Variants in NLRC3 observed in about 807,000 individuals in gnomAD.
NLRC3 encodes the protein NLR family CARD domain-containing protein 3.
Under a neutral mutation model 91.6 loss-of-function variants are expected in NLRC3, and 87 were observed. That is an observed-to-expected ratio of 0.95 (90% CI 0.80 to 1.14). The LOEUF (loss-of-function observed/expected upper bound fraction) is 1.14, where lower values mean the gene tolerates loss of function less well. Ranked by LOEUF, NLRC3 falls within the 50% of genes most tolerant of loss-of-function variation. The probability of loss-of-function intolerance (pLI) is 0.00; values close to 1 mark genes in which losing one functional copy is unlikely to be tolerated. For missense variants in NLRC3, 1,577 were observed against 1,418.6 expected, an observed-to-expected ratio of 1.11 and a Z score of -1.79; for synonymous variants, 694 against 625.3, an observed-to-expected ratio of 1.11 and a Z score of -1.64.
Position 3,564,588 on chromosome 16 carries a change from G to A in NLRC3, c.349C>T (p.His117Tyr). ...TCCAGGGCGACGGTCCTGGCGGGGT[G>A]CCCGCCCCCGCGGGTGGCCTCCACC... is the stretch of plus-strand genomic sequence containing the variant. ...TQVEATRGGG[H>Y]PARTVALDRL... The change falls in exon 5 of 20, where the codon CAC (histidine) becomes TAC (tyrosine). Residue 117 changes from histidine (H) to tyrosine (Y), a missense_variant. By Grantham distance (83) the His-to-Tyr change is moderately conservative (BLOSUM62 2). Transcript: ENST00000359128. The surrounding 1 kb of genome is among the most constrained non-coding windows in gnomAD (Gnocchi z 5.9). The A allele has an allele frequency of 6.2e-7, 1 of 1,611,314 alleles. No individual in the cohort carries two copies. The highest frequency in any genetic ancestry group is 8.5e-7 in the Non-Finnish European group (1 of 1,179,620).
chr16:3,542,626 A>G, intron 18 of NLRC3, 66 bp downstream of exon 18: 3 of 922,056 alleles, frequency 3.3e-6, no homozygotes, highest in Non-Finnish European at 5.2e-6. Flanking sequence ...ATTTTATTCC[A>G]TCAGGGAGGA....
rs749850707 is a variant in NLRC3, at chr16:3,557,675, A to G, written c.2017T>C (p.Leu673=). The change falls in exon 7 of 20, where the codon TTG becomes CTG. Residue 673 remains leucine, a splice_region_variant and synonymous_variant. Transcript: ENST00000359128. ...GKDCRIQKIS[L]AENQISNKGA... ...TTGTTACTGATCTGGTTCTCCGCCA[A>G]GCTGCCCAAGGAAAGGGAGAGGAGT... 3.1e-6 allele frequency: 5 copies of G among 1,611,216 alleles called. No individual in the cohort carries two copies. The African/African-American group carries it at 4.0e-5, about 13-fold the overall frequency.
Position 3,563,180 on chromosome 16 carries a change from G to A in NLRC3, c.1757C>T (p.Ala586Val), listed in dbSNP as rs769753251. ...HTELARSVEEAMESGALARLT... is the reference protein window; with the variant it reads ...HTELARSVEEVMESGALARLT... Reference sequence around the variant, plus strand: ...CCTGGCCAGGGCCCCGCTCTCCATGGCCTCCTCCACGCTGCGGGCCAGCTC... The same window carrying A: ...CCTGGCCAGGGCCCCGCTCTCCATGACCTCCTCCACGCTGCGGGCCAGCTC... Residue 586 changes from alanine (A) to valine (V), a missense_variant, in exon 5 of 20, where the codon GCC becomes GTC. Ala to Val is a moderately conservative substitution (Grantham distance 64). Coordinates refer to ENST00000359128, the MANE Select transcript of NLRC3 (RefSeq NM_178844.4). The A allele has an allele frequency of 5.4e-5, 86 of 1,593,296 alleles. 1 individual carries two copies. In the South Asian group the frequency reaches 9.6e-4, roughly 18 times the overall value.
chr16:3,541,848 G>GTTCAACATCA lies in NLRC3; in HGVS notation c.3174_3175insTGATGTTGAA (p.Pro1059Ter), dbSNP rs2151078572. On this transcript the variant is annotated stop_gained and frameshift_variant, in exon 20 of 20. Coordinates refer to ENST00000359128, the MANE Select transcript of NLRC3 (RefSeq NM_178844.4). LOFTEE classifies it high-confidence loss of function. The stretch of plus-strand genomic sequence containing the variant: ...GATCACATTTCAACAGTGCACGTGG[G>GTTCAACATCA]AGCATTTGTCTTGATGGCCTCTGAG... 6.2e-7 allele frequency: 1 copy of GTTCAACATCA among 1,611,586 alleles called. No homozygotes were observed. The highest frequency in any genetic ancestry group is 1.1e-5 in the South Asian group (1 of 90,708).
chr16:3,553,922 T>C (rs1369873782), intron 9 of NLRC3, among the ~76,000 whole-genome samples: 1 of 151,084 alleles, frequency 6.6e-6, no homozygotes, highest in Non-Finnish European at 1.5e-5. Flanking sequence ...TTTTTTTTTT[T>C]TTTTAGTAGA....
chr16:3,549,882 G>A, intron 11 of NLRC3, 102 bp from the exon 12 acceptor site: 2 of 708,130 alleles, frequency 2.8e-6, no homozygotes, highest in South Asian at 1.7e-5. Context: ...ACAGGGAGTT[G>A]GGGGCTCCAG....
At chr16:3,556,886 AAC>A in intron 8 of NLRC3, 23 bp downstream of exon 8, 1 of 1,565,114 alleles carries the variant, frequency 6.4e-7, no homozygotes, top group Non-Finnish European at 8.8e-7. Flanking sequence ...TTGGGGTCAC[AAC>A]ACAGGGAGCA....
At chr16:3,574,511 G>T (rs901588973) in intron 1 of NLRC3, among the ~76,000 whole-genome samples, 1 of 152,162 alleles carries the variant, frequency 6.6e-6, no homozygotes, top group Admixed American at 6.5e-5. Flanking sequence ...AAGCGCCTGG[G>T]AAGGCGGGGA....
At chr16:3,554,376 A>G (rs2039181478) in intron 8 of NLRC3, 51 bp from the exon 9 acceptor site, 2 of 1,433,176 alleles carry the variant, frequency 1.4e-6, no homozygotes, top group African/African-American at 1.4e-5. Context: ...GCTGGAACCC[A>G]GGGGTCTGAA....
At chr16:3,544,654 A>G (rs73503385) in intron 15 of NLRC3, 336 of 300,810 alleles carry the variant, frequency 1.1e-3, no homozygotes, top group African/African-American at 6.7e-3. Context: ...AAAGCCCTCA[A>G]TCCCTGAGCC....
At position 3,542,279 on chromosome 16, in the gene NLRC3, G is replaced by C; in HGVS notation, c.3024-5C>G. ...CCCAGAGAATTCTCTTGAAGACTAAGTGGAAAAGAGATGGAGACACACGGT... is the reference window on the plus strand; with the variant it reads ...CCCAGAGAATTCTCTTGAAGACTAACTGGAAAAGAGATGGAGACACACGGT... On this transcript the variant is annotated splice_polypyrimidine_tract_variant and splice_region_variant and intron_variant, in intron 18 of 19. Coordinates refer to ENST00000359128, the MANE Select transcript of NLRC3 (RefSeq NM_178844.4). 1.3e-6 allele frequency: 2 copies of C among 1,560,934 alleles called. No individual in the cohort carries two copies. Among genetic ancestry groups the C allele is most frequent in the Non-Finnish European group, 1.7e-6 (2 of 1,143,748 alleles).
At chr16:3,547,732 G>A (rs143599999) in intron 15 of NLRC3, among the ~76,000 whole-genome samples, 3,431 of 152,178 alleles carry the variant, frequency 0.023, 39 homozygotes, top group Non-Finnish European at 0.036. Flanking sequence ...GCAGTGACGC[G>A]ATCTCTGCTC....
intron 16 of NLRC3, 56 bp from the exon 17 acceptor site, chr16:3,543,564 T>C (rs1250899893): frequency 8.5e-7 from 1 of 1,183,056 alleles, no homozygotes; most frequent in Non-Finnish European, 1.2e-6. Context: ...TCCCTCCGCA[T>C]ACTCCGTTCC....
intron 1 of NLRC3, among the ~76,000 whole-genome samples, chr16:3,570,196 C>G (rs1453952448): frequency 6.6e-6 from 1 of 152,002 alleles, no homozygotes; most frequent in Non-Finnish European, 1.5e-5. Context: ...AGTCTCAACT[C>G]CTGACCTCAA....
intron 1 of NLRC3, among the ~76,000 whole-genome samples, chr16:3,569,401 T>TATTA (rs1567154025): frequency 1.0e-5 from 1 of 100,060 alleles, no homozygotes; most frequent in East Asian, 2.7e-4. Flanking sequence ...TATATTATTT[T>TATTA]TTTTTTTTTT....
At chr16:3,567,708 G>A (rs1033004833) in intron 1 of NLRC3, among the ~76,000 whole-genome samples, 8 of 131,528 alleles carry the variant, frequency 6.1e-5, no homozygotes, top group Admixed American at 1.7e-4. Context: ...GAAGGCAGAG[G>A]TTGCAGTGAG....
chr16:3,562,257 A>C (rs1303135392), intron 5 of NLRC3, among the ~76,000 whole-genome samples: 1 of 152,160 alleles, frequency 6.6e-6, no homozygotes. Context: ...TTTATTGAGA[A>C]ATGGGGTCAC....
At chr16:3,549,329 G>A (rs2038874101) in intron 12 of NLRC3, 104 bp from the exon 13 acceptor site, 20 of 832,410 alleles carry the variant, frequency 2.4e-5, no homozygotes, top group South Asian at 1.2e-4. Context: ...AACTGCAGGC[G>A]GGGGACCTAG....
rs200071414 is a variant in NLRC3, at chr16:3,561,760, C to T, written c.1957G>A (p.Val653Met). 1.4e-4 allele frequency: 218 copies of T among 1,613,556 alleles called. No homozygotes were observed. Among genetic ancestry groups the T allele is most frequent in the South Asian group, 2.5e-4 (23 of 91,086 alleles). ...RLDTNQFQDP[V>M]MELLGSVLSG... ...AGCACGCTGCCCAGCAGCTCCATCA[C>T]GGGGTCCTGGAACTGGTTGGTGTCC... The change falls in exon 6 of 20, where the codon GTG (valine) becomes ATG (methionine). Residue 653 changes from valine to methionine, a missense_variant. Physicochemically the swap from Val to Met is conservative, Grantham distance 21. Coordinates refer to ENST00000359128, the MANE Select transcript of NLRC3 (RefSeq NM_178844.4).
Sources: allele counts gnomAD v4.1 joint callset (sites outside exome capture counted in the v4.1 genomes callset), GRCh38; gene constraint gnomAD v4.1.1; non-coding constraint Gnocchi (gnomAD v3.1); transcripts MANE v1.5; gene names NCBI Gene and HGNC (gene_info 2026-07-23, HGNC 2026-07-21).